The following TJP2 variants were observed in gnomAD, a reference collection of about 807,000 sequenced individuals.
The protein encoded by TJP2 is tight junction protein 2, also known as Friedreich ataxia region gene X104 (tight junction protein ZO-2).
A neutral mutation model predicts 133.1 loss-of-function variants in TJP2; 91 were observed. That is an observed-to-expected ratio of 0.68 (90% CI 0.58 to 0.81). The LOEUF (loss-of-function observed/expected upper bound fraction) is 0.81, where lower values mean the gene tolerates loss of function less well. Among genes scored for constraint, TJP2 ranks in the 40% least tolerant of loss-of-function variants. The pLI is 0.00. For missense variants in TJP2, 1,541 were observed against 1,565.6 expected (o/e 0.98, Z 0.26); for synonymous variants, 592 against 583.4 (o/e 1.01, Z -0.21).
Position 69,254,715 on chromosome 9 carries a change from T to C in TJP2, c.*341T>C. ...AGAAGCAATAACTATTTTTCCTCAT[T>C]AATAGCTGCCTTCAAGGACTGTTTC... is the stretch of plus-strand genomic sequence containing the variant. On this transcript the variant is annotated 3_prime_UTR_variant, in exon 23 of 23. Coordinates refer to ENST00000377245, the MANE Select transcript of TJP2 (RefSeq NM_004817.4). 1.8e-6 allele frequency: 1 copy of C among 561,670 alleles called. No individual in the cohort carries two copies. The highest frequency in any genetic ancestry group is 3.2e-6 in the Non-Finnish European group (1 of 317,388). 34.8% of individuals were successfully genotyped at this position (561,670 alleles called of 1,614,324 possible).
intron 20 of TJP2, among the ~76,000 whole-genome samples, chr9:69,250,198 G>A (rs770059972): frequency 9.2e-5 from 14 of 152,174 alleles, no homozygotes; most frequent in Non-Finnish European, 1.9e-4. Flanking sequence ...CACCTCCTGG[G>A]TTCAAGTGAT....
At chr9:69,205,838 C>T (rs908438090) in intron 1 of TJP2, among the ~76,000 whole-genome samples, 1 of 152,176 alleles carries the variant, frequency 6.6e-6, no homozygotes, top group African/African-American at 2.4e-5. Context: ...ATCTAAAAGC[C>T]GCCTGTTCAG....
intron 1 of TJP2, among the ~76,000 whole-genome samples, chr9:69,210,293 C>CA (rs1216680207): frequency 2.1e-5 from 1 of 46,892 alleles, no homozygotes; most frequent in African/African-American, 6.6e-5. Flanking sequence ...CGTCCCCCCC[C>CA]CCCCCCAAAA....
At position 69,126,624 on chromosome 9, in the gene TJP2, T is replaced by C. The variant is rs1822299728; in HGVS notation, c.-131+4899T>C. On this transcript the variant is annotated intron_variant, in intron 1 of 5. Transcript: ENST00000423935. ...TAATTATCTTGCTCCTGAATTATAG[T>C]GAAGACTCAAAAAGACCTTATTTGT... is the stretch of plus-strand genomic sequence containing the variant. Among the ~76,000 whole-genome samples, 2 of 77,418 alleles carry C rather than the reference T, an allele frequency of 2.6e-5. 1 individual carries two copies. The highest frequency in any genetic ancestry group is 6.0e-5 in the Non-Finnish European group (2 of 33,572). 50.8% of individuals were successfully genotyped at this position (77,418 alleles called of 152,430 possible).
chr9:69,212,460 T>C, intron 1 of TJP2, 88 bp from the exon 2 acceptor site: 2 of 1,009,322 alleles, frequency 2.0e-6, no homozygotes, highest in Non-Finnish European at 3.2e-6. Context: ...AGCTGGACTT[T>C]ATGTCGAGGC....
intron 2 of TJP2, among the ~76,000 whole-genome samples, chr9:69,167,949 C>T (rs1824451796): frequency 6.6e-6 from 1 of 151,950 alleles, no homozygotes; most frequent in Non-Finnish European, 1.5e-5. Context: ...ACGTAGATGC[C>T]AACGTGTTGG....
At chr9:69,171,903 C>T (rs1824706878), upstream of TJP2, among the ~76,000 whole-genome samples, 2 of 140,956 alleles carry the variant, frequency 1.4e-5, no homozygotes, top group Middle Eastern at 4.0e-3. Context: ...TCAAGCGATT[C>T]TCCTGCCTCA....
chr9:69,247,379 T>G (rs1289873989), intron 18 of TJP2, among the ~76,000 whole-genome samples: 2 of 152,208 alleles, frequency 1.3e-5, no homozygotes, highest in African/African-American at 4.8e-5. Flanking sequence ...CTGTGGCCGC[T>G]TTTATTTTAG....
intron 2 of TJP2, among the ~76,000 whole-genome samples, chr9:69,215,859 C>T (rs1309381781): frequency 6.6e-6 from 1 of 152,146 alleles, no homozygotes; most frequent in Admixed American, 6.5e-5. Flanking sequence ...GTAGTGATCA[C>T]ACCGCTGCAC....
intron 2 of TJP2, among the ~76,000 whole-genome samples, chr9:69,151,947 C>T (rs1360329251): frequency 6.6e-6 from 1 of 152,112 alleles, no homozygotes; most frequent in Non-Finnish European, 1.5e-5. Context: ...AGAATAGAAA[C>T]ATCTTACCTG....
At position 69,216,388 on chromosome 9, in the gene TJP2, C is replaced by G; in HGVS notation, c.164C>G (p.Pro55Arg). ...GCAGTGTCCGGAGGCAGAGACAACC[C>G]CCACTTTGAAAATGGAGAAACGTCA... ...GIAVSGGRDN[P>R]HFENGETSIV... is the part of the protein sequence containing the mutation. Residue 55 changes from proline (P) to arginine (R), a missense_variant, in exon 3 of 23, where the codon CCC becomes CGC. Transcript: ENST00000377245. 6.2e-7 allele frequency: 1 copy of G among 1,614,030 alleles called. No homozygotes were observed. The highest frequency in any genetic ancestry group is 8.5e-7 in the Non-Finnish European group (1 of 1,179,996).
chr9:69,229,360 T>G lies in TJP2; in HGVS notation c.1520+110T>G, dbSNP rs537875009. On this transcript the variant is annotated intron_variant, in intron 10 of 22. Transcript: ENST00000377245. Reference sequence around the variant, plus strand: ...GCCTAGATGGTGATTTTGTACACTGTCAGCCACCTGTAACCAATCCCCATT... The same window carrying G: ...GCCTAGATGGTGATTTTGTACACTGGCAGCCACCTGTAACCAATCCCCATT... 16 of 1,046,026 alleles carry G rather than the reference T, an allele frequency of 1.5e-5. No homozygotes were observed. In the African/African-American group the frequency reaches 2.2e-4, roughly 14 times the overall value. 64.8% of individuals were successfully genotyped at this position (1,046,026 alleles called of 1,614,324 possible).
intron 12 of TJP2, among the ~76,000 whole-genome samples, chr9:69,235,602 A>G (rs1006307685): frequency 3.9e-5 from 6 of 152,038 alleles, no homozygotes; most frequent in East Asian, 1.9e-4. Context: ...GATTATAGGC[A>G]TGAGCCACCA....
At chr9:69,211,072 G>C (rs979483890) in intron 1 of TJP2, among the ~76,000 whole-genome samples, 1 of 152,184 alleles carries the variant, frequency 6.6e-6, no homozygotes, top group African/African-American at 2.4e-5. Flanking sequence ...TGGCTTGGTG[G>C]CTCATGCCTG....
Position 69,230,249 on chromosome 9 carries a change from T to C in TJP2, c.1671+17T>C, listed in dbSNP as rs1829670838. 6.2e-7 allele frequency: 1 copy of C among 1,613,828 alleles called. No homozygotes were observed. The highest frequency in any genetic ancestry group is 1.7e-5 in the Admixed American group (1 of 59,996). On this transcript the variant is annotated intron_variant, in intron 11 of 22. Transcript: ENST00000377245. ...ATTCTGAAGGTAAGAACAGCCCAGCTCTGTTTCTAGAAGTTACTTGTAAGG... is the reference window on the plus strand; with the variant it reads ...ATTCTGAAGGTAAGAACAGCCCAGCCCTGTTTCTAGAAGTTACTTGTAAGG...
At chr9:69,160,960 G>T (rs1824036414) in intron 2 of TJP2, among the ~76,000 whole-genome samples, 1 of 152,142 alleles carries the variant, frequency 6.6e-6, no homozygotes, top group South Asian at 2.1e-4. Context: ...TGAGATTTGG[G>T]TGGGGACACA....
chr9:69,155,158 G>A (rs1390729022), intron 2 of TJP2, among the ~76,000 whole-genome samples: 1 of 143,072 alleles, frequency 7.0e-6, no homozygotes, highest in Non-Finnish European at 1.5e-5. Context: ...GCCAGAGATT[G>A]CAGTGAGCCG....
chr9:69,156,522 GATT>G (rs1823767381), intron 2 of TJP2, among the ~76,000 whole-genome samples: 2 of 119,542 alleles, frequency 1.7e-5, no homozygotes, highest in Non-Finnish European at 1.7e-5. Flanking sequence ...ATACATGTAA[GATT>G]TTTTTTTTTT....
chr9:69,138,284 G>A (rs1822862787), intron 1 of TJP2, among the ~76,000 whole-genome samples: 1 of 152,162 alleles, frequency 6.6e-6, no homozygotes, highest in Non-Finnish European at 1.5e-5. Context: ...TCTGCTGCCA[G>A]AGCCTAGATT....
Sources: allele counts gnomAD v4.1 joint callset (sites outside exome capture counted in the v4.1 genomes callset), GRCh38; gene constraint gnomAD v4.1.1; transcripts MANE v1.5; gene names NCBI Gene and HGNC (gene_info 2026-07-23, HGNC 2026-07-21).